ST18: variants seen among roughly 807,000 people sequenced by gnomAD.
ST18 encodes suppression of tumorigenicity 18 protein.
ST18 carries 50 observed loss-of-function variants against 110.0 expected under a neutral mutation model. That is an observed-to-expected ratio of 0.45 (90% CI 0.36 to 0.58). The LOEUF is 0.58. ST18 is among the 20% of genes least tolerant of loss of function. ST18 has a pLI of 0.00. For synonymous variants in ST18, 461 were observed against 452.4 expected, an observed-to-expected ratio of 1.02 and a Z score of -0.24; for missense variants, 1,306 against 1,280.1, an observed-to-expected ratio of 1.02 and a Z score of -0.31.
At chr8:52,123,718 C>T (rs2045910085) in intron 23 of ST18, among the ~76,000 whole-genome samples, 1 of 152,186 alleles carries the variant, frequency 6.6e-6, no homozygotes, top group Non-Finnish European at 1.5e-5. Flanking sequence ...CATATAGGGA[C>T]CCTTTGAAGT....
intron 2 of ST18, among the ~76,000 whole-genome samples, chr8:52,300,895 CAGAAAG>C (rs1359603760): frequency 4.6e-5 from 7 of 151,910 alleles, no homozygotes; most frequent in African/African-American, 7.3e-5. Context: ...ATGTGAGAGA[CAGAAAG>C]AGAAAGAGAA....
intron 19 of ST18, among the ~76,000 whole-genome samples, 171 bp from the exon 20 acceptor site, chr8:52,133,472 C>G (rs1482960917): frequency 6.6e-6 from 1 of 152,076 alleles, no homozygotes; most frequent in African/African-American, 2.4e-5. Flanking sequence ...CAAAGAGCTG[C>G]TTTCTGTGTG....
chr8:52,143,920 T>C (rs925320097), intron 16 of ST18, among the ~76,000 whole-genome samples: 4 of 152,222 alleles, frequency 2.6e-5, no homozygotes, highest in Non-Finnish European at 5.9e-5. Context: ...ATTTGATCTT[T>C]CTGGATAATT....
chr8:52,195,143 A>T (rs1223641602), intron 8 of ST18, among the ~76,000 whole-genome samples: 1 of 152,212 alleles, frequency 6.6e-6, no homozygotes, highest in African/African-American at 2.4e-5. Context: ...TGGCTTCTTC[A>T]AAAACGTAAT....
chr8:52,325,426 CAT>C (rs142750776), intron 2 of ST18, among the ~76,000 whole-genome samples: 4,315 of 152,224 alleles, frequency 0.028, 95 homozygotes, highest in Non-Finnish European at 0.045. Flanking sequence ...AACAGAAATT[CAT>C]ATGTTTCTAC....
intron 8 of ST18, among the ~76,000 whole-genome samples, chr8:52,188,176 A>C (rs1297321750): frequency 6.6e-6 from 1 of 152,220 alleles, no homozygotes; most frequent in Admixed American, 6.5e-5. Context: ...ATTGAGTAAA[A>C]TACATAATAT....
chr8:52,333,927 C>A (rs556740250), intron 2 of ST18, among the ~76,000 whole-genome samples: 2 of 152,326 alleles, frequency 1.3e-5, no homozygotes, highest in South Asian at 4.1e-4. Flanking sequence ...ATGGGCTCCA[C>A]TTCTGTGAAA....
intron 13 of ST18, among the ~76,000 whole-genome samples, chr8:52,162,514 C>T (rs940715934): frequency 6.6e-6 from 1 of 152,134 alleles, no homozygotes; most frequent in Non-Finnish European, 1.5e-5. Context: ...AATGTTTTTG[C>T]TGATTTAAGT....
intron 15 of ST18, among the ~76,000 whole-genome samples, chr8:52,157,105 A>G (rs892154216): frequency 2.0e-5 from 3 of 152,194 alleles, no homozygotes; most frequent in Non-Finnish European, 4.4e-5. Context: ...AACACTGAAA[A>G]TCTACTGTTT....
intron 10 of ST18, among the ~76,000 whole-genome samples, chr8:52,169,122 C>T (rs954697123): frequency 7.2e-5 from 11 of 152,116 alleles, no homozygotes; most frequent in African/African-American, 2.4e-4. Context: ...GTCCACCGTG[C>T]CCCTTTGTCT....
intron 2 of ST18, chr8:52,294,387 G>A (rs1245828123): frequency 6.6e-6 from 1 of 152,218 alleles, no homozygotes; most frequent in Admixed American, 6.5e-5. Context: ...AATGTAAATA[G>A]GGCCATCAGT....
intron 2 of ST18, among the ~76,000 whole-genome samples, chr8:52,312,026 C>G (rs189735118): frequency 5.3e-5 from 8 of 152,250 alleles, no homozygotes; most frequent in Admixed American, 1.3e-4. Flanking sequence ...TTCATATGTA[C>G]CTTTGCATTA....
chr8:52,135,906 A>C (rs1216405659), intron 19 of ST18, among the ~76,000 whole-genome samples: 1 of 152,204 alleles, frequency 6.6e-6, no homozygotes, highest in African/African-American at 2.4e-5. Flanking sequence ...AAGCTTTATT[A>C]TTTGTAAAAA....
chr8:52,266,774 C>T (rs1027174218), intron 2 of ST18, among the ~76,000 whole-genome samples: 2 of 152,064 alleles, frequency 1.3e-5, no homozygotes, highest in African/African-American at 4.8e-5. Context: ...AAGCTCCTGA[C>T]CTCAGCCTCC....
At chr8:52,278,263 A>G (rs1385002035) in intron 2 of ST18, among the ~76,000 whole-genome samples, 1 of 152,224 alleles carries the variant, frequency 6.6e-6, no homozygotes, top group Non-Finnish European at 1.5e-5. Flanking sequence ...ACAGAGGATG[A>G]TAAGGCATTA....
At position 52,409,744 on chromosome 8, in the gene ST18, G is replaced by A. The variant is rs1845783517; in HGVS notation, c.-786C>T. 6.6e-6 allele frequency: 1 copy of A among 152,246 alleles called. No homozygotes were observed. The highest frequency in any genetic ancestry group is 1.5e-5 in the Non-Finnish European group (1 of 68,048). The allele number at this position is 152,246 out of a possible 1,614,324, so 9.4% of individuals were successfully genotyped here. A position where few individuals can be genotyped will look rare whatever the true frequency, so the allele number is the denominator to read the frequency against. ...ATCCTGCCCTTCTCCCTACAAAAAG[G>A]TTCCATAGAATCAGAACGCAGAGGC... On this transcript the variant is annotated 5_prime_UTR_variant, in exon 1 of 26. Coordinates refer to ENST00000689386, the MANE Select transcript of ST18 (RefSeq NM_001352837.2).
At chr8:52,399,674 ACTT>A (rs1462911906) in intron 2 of ST18, among the ~76,000 whole-genome samples, 1 of 151,406 alleles carries the variant, frequency 6.6e-6, no homozygotes, top group Non-Finnish European at 1.5e-5. Context: ...TTTCCTTTTG[ACTT>A]CTTCTTTAAC....
At chr8:52,371,842 C>G (rs112998404) in intron 2 of ST18, among the ~76,000 whole-genome samples, 1,730 of 152,290 alleles carry the variant, frequency 0.011, 39 homozygotes, top group African/African-American at 0.04. Context: ...GTAAGCAACC[C>G]TACTGCACTG....
In ST18 at chr8:52,133,280, A is replaced by C; in HGVS notation, c.2322T>G (p.Asp774Glu). 6.2e-7 allele frequency: 1 copy of C among 1,614,182 alleles called. No homozygotes were observed. Among genetic ancestry groups the C allele is most frequent in the East Asian group, 2.2e-5 (1 of 44,882 alleles). ...AGTTTCCAGTCACGTGCCCCGAGCCATCGCAGCCTGGGGTTGGACACCTGG... is the reference window on the plus strand; with the variant it reads ...AGTTTCCAGTCACGTGCCCCGAGCCCTCGCAGCCTGGGGTTGGACACCTGG... ...QELKCPTPGC[D>E]GSGHVTGNYA... is the part of the protein sequence containing the mutation. The change falls in exon 20 of 26, where the codon GAT becomes GAG. Residue 774 changes from aspartate to glutamate, a missense_variant. Asp to Glu is a conservative substitution (Grantham distance 45). Coordinates refer to ENST00000689386, the MANE Select transcript of ST18 (RefSeq NM_001352837.2).
Sources: gnomAD v4.1 joint callset for allele counts (sites outside exome capture counted in the v4.1 genomes callset) on GRCh38, gnomAD v4.1.1 for gene constraint, MANE v1.5 for transcripts, NCBI Gene and HGNC (gene_info 2026-07-23, HGNC 2026-07-21) for gene names.